Variants in THAP3 observed in about 807,000 individuals in gnomAD.
THAP3 encodes the protein THAP domain containing 3.
Under a neutral mutation model 17.7 loss-of-function variants are expected in THAP3, and 12 were observed. That is an observed-to-expected ratio of 0.68 (90% CI 0.43 to 1.10). The LOEUF is 1.10. Ranked by LOEUF, THAP3 falls within the 50% of genes least tolerant of loss-of-function variation. THAP3 has a pLI of 0.00. For synonymous variants in THAP3, 133 were observed against 126.9 expected, an observed-to-expected ratio of 1.05 and a Z score of -0.32; for missense variants, 289 against 318.0, an observed-to-expected ratio of 0.91 and a Z score of 0.69.
Position 6,632,416 on chromosome 1 carries a change from A to G in THAP3, c.359A>G (p.Glu120Gly), listed in dbSNP as rs771608654. 6.2e-7 allele frequency: 1 copy of G among 1,613,772 alleles called. No homozygotes were observed. Among genetic ancestry groups the G allele is most frequent in the African/African-American group, 1.3e-5 (1 of 74,914 alleles). The change falls in exon 5 of 6, where the codon GAG (glutamate) becomes GGG (glycine). Residue 120 changes from glutamate (E) to glycine (G), a missense_variant. By Grantham distance (98) the Glu-to-Gly change is moderately conservative. Transcript: ENST00000054650. ...GTCCTCCCTGAGGCGGGGGCCGGAG[A>G]GGACAGTCCTGGGAGAAACATGGAC... Reference protein sequence around the residue: ...EKVLPEAGAGEDSPGRNMDTA... With the variant: ...EKVLPEAGAGGDSPGRNMDTA...
intron 3 of THAP3, among the ~76,000 whole-genome samples, chr1:6,629,198 G>T (rs1465129997): frequency 6.6e-6 from 1 of 152,204 alleles, no homozygotes; most frequent in Admixed American, 6.5e-5. Context: ...TCAGGAGAGG[G>T]CTCACAAAGA....
rs1385633412 is a variant in THAP3 at position 6,633,466 on chromosome 1, C to T, written c.*389C>T. The T allele has an allele frequency of 2.6e-6, 3 of 1,144,244 alleles. No homozygotes were observed. Among genetic ancestry groups the T allele is most frequent in the Non-Finnish European group, 3.2e-6 (3 of 924,626 alleles). The allele number at this position is 1,144,244 out of a possible 1,614,324, so 70.9% of individuals were successfully genotyped here. ...TGGCTCTGTGGCGGGTGAGTGGTCCCCTCCTCCATCAGCCTGGACAGCCGC... is the reference window on the plus strand; with the variant it reads ...TGGCTCTGTGGCGGGTGAGTGGTCCTCTCCTCCATCAGCCTGGACAGCCGC... On this transcript the variant is annotated 3_prime_UTR_variant, in exon 6 of 6. Coordinates refer to ENST00000054650, the MANE Select transcript of THAP3 (RefSeq NM_001195753.2).
chr1:6,627,565 A>G (rs1421693492), intron 2 of THAP3, among the ~76,000 whole-genome samples: 1 of 152,114 alleles, frequency 6.6e-6, no homozygotes, highest in Non-Finnish European at 1.5e-5. Context: ...GGGTTTCACC[A>G]TGTTGGCCAG....
At position 6,628,547 on chromosome 1, in the gene THAP3, C is replaced by T. The variant is rs373319513; in HGVS notation, c.123C>T (p.Ile41=). 35 of 1,613,642 alleles carry T rather than the reference C, an allele frequency of 2.2e-5. No homozygotes were observed. The highest frequency in any genetic ancestry group is 2.8e-5 in the Non-Finnish European group (33 of 1,179,984). ...TGCTGAAGGAATGGGTGCTGAACATCGGCCGGGGCAACTTCAAGCCCAAGC... is the reference window on the plus strand; with the variant it reads ...TGCTGAAGGAATGGGTGCTGAACATTGGCCGGGGCAACTTCAAGCCCAAGC... ...PELLKEWVLN[I]GRGNFKPKQH... The change falls in exon 3 of 6, where the codon ATC becomes ATT. Residue 41 remains isoleucine, a synonymous_variant. Transcript: ENST00000054650.
At chr1:6,631,703 G>A (rs1054906290) in intron 4 of THAP3, among the ~76,000 whole-genome samples, 23 of 152,038 alleles carry the variant, frequency 1.5e-4, no homozygotes, top group African/African-American at 5.1e-4. Flanking sequence ...TCAGGAGTTC[G>A]AGACCAGCCT....
rs1218275147 is a variant in THAP3 at position 6,633,529 on chromosome 1, G to A, written c.*452G>A. On this transcript the variant is annotated 3_prime_UTR_variant, in exon 6 of 6. Transcript: ENST00000054650. ...GGAGTGACTCCTGTCCCGGCCTGGT[G>A]TGAGTGGGCAGTGTAATAAAGTGTC... The A allele has an allele frequency of 8.2e-6, 9 of 1,096,754 alleles. No individual in the cohort carries two copies. The highest frequency in any genetic ancestry group is 8.9e-6 in the Non-Finnish European group (8 of 897,350). The allele number at this position is 1,096,754 out of a possible 1,614,324, so 67.9% of individuals were successfully genotyped here.
intron 5 of THAP3, 107 bp from the exon 6 acceptor site, chr1:6,632,689 G>A (rs1436834470): frequency 6.8e-7 from 1 of 1,479,146 alleles, no homozygotes; most frequent in African/African-American, 1.4e-5. Context: ...AGCCCGGAGT[G>A]TCTAGCTGCC....
downstream of THAP3, chr1:6,634,179 G>C: frequency 2.3e-6 from 3 of 1,286,116 alleles, no homozygotes; most frequent in South Asian, 2.5e-5. Flanking sequence ...CTGCTTTCAG[G>C]AAAGGTTTAT....
intron 2 of THAP3, 37 bp from the exon 3 acceptor site, chr1:6,628,462 C>T: frequency 6.4e-7 from 1 of 1,565,442 alleles, no homozygotes; most frequent in Non-Finnish European, 8.6e-7. Flanking sequence ...CTGGGTCCAG[C>T]CTTGCTGGGC....
downstream of THAP3, chr1:6,634,608 G>T: frequency 2.2e-6 from 3 of 1,366,332 alleles, no homozygotes; most frequent in African/African-American, 1.5e-5. Context: ...CGAGAGACAG[G>T]CCTCACGTAA....
rs1299768084 is a variant in THAP3 at position 6,625,155 on chromosome 1, T to G, written c.-64T>G. ...GGCCCCGCCCCTCCCCGCAGGTCCCTCCCCTCTCCGCAGGCCCCGCCGCCG... is the reference window on the plus strand; with the variant it reads ...GGCCCCGCCCCTCCCCGCAGGTCCCGCCCCTCTCCGCAGGCCCCGCCGCCG... On this transcript the variant is annotated 5_prime_UTR_variant, in exon 2 of 6. Transcript: ENST00000054650. 2.7e-6 allele frequency: 3 copies of G among 1,104,462 alleles called. No homozygotes were observed. Among genetic ancestry groups the G allele is most frequent in the Non-Finnish European group, 2.6e-6 (2 of 776,292 alleles). The allele number at this position is 1,104,462 out of a possible 1,614,324, so 68.4% of individuals were successfully genotyped here.
downstream of THAP3, chr1:6,634,266 G>C (rs1641709130): frequency 1.3e-5 from 11 of 863,764 alleles, no homozygotes; most frequent in Non-Finnish European, 1.7e-5. Context: ...TGCGGCAGAG[G>C]CGCACGGGAA....
At chr1:6,627,620 C>T (rs766526621) in intron 2 of THAP3, 1 of 152,402 alleles carries the variant, frequency 6.6e-6, no homozygotes, top group Non-Finnish European at 1.5e-5. Flanking sequence ...CTGCCTTGGC[C>T]TCCCAAAGTG....
At chr1:6,634,143 C>T, downstream of THAP3, 1 of 1,509,694 alleles carries the variant, frequency 6.6e-7, no homozygotes, top group African/African-American at 1.4e-5. Context: ...AAGATGAACA[C>T]ACAATACACG....
chr1:6,628,758 A>G, intron 3 of THAP3, 67 bp downstream of exon 3: 1 of 1,501,828 alleles, frequency 6.7e-7, no homozygotes, highest in African/African-American at 1.4e-5. Flanking sequence ...AGCTGGGGGC[A>G]GTGGGGGTGG....
intron 2 of THAP3, among the ~76,000 whole-genome samples, chr1:6,627,092 C>T (rs1388637024): frequency 1.3e-5 from 2 of 152,196 alleles, no homozygotes; most frequent in Non-Finnish European, 2.9e-5. Flanking sequence ...TCCCGCATGG[C>T]GTCTGGTACA....
intron 1 of THAP3, 26 bp from the exon 2 acceptor site, chr1:6,625,124 C>T (rs1641424041): frequency 1.5e-6 from 2 of 1,377,952 alleles, no homozygotes; most frequent in South Asian, 1.3e-5. Flanking sequence ...GTCACCACCT[C>T]CCAGCGGCCC....
chr1:6,635,129 AAGC>A (rs1641737141), downstream of THAP3: 1 of 172,338 alleles, frequency 5.8e-6, no homozygotes, highest in Non-Finnish European at 1.3e-5. Flanking sequence ...CTCAGATAAA[AAGC>A]AGTTTTATAA....
At chr1:6,628,441 ACT>A in intron 2 of THAP3, 56 bp from the exon 3 acceptor site, 3 of 1,468,016 alleles carry the variant, frequency 2.0e-6, no homozygotes, top group Non-Finnish European at 2.8e-6. Context: ...ATTCCGAATG[ACT>A]CTGAGGCGCT....
Sources: gnomAD v4.1 joint callset for allele counts (sites outside exome capture counted in the v4.1 genomes callset) on GRCh38, gnomAD v4.1.1 for gene constraint, MANE v1.5 for transcripts, NCBI Gene and HGNC (gene_info 2026-07-23, HGNC 2026-07-21) for gene names.